Variants in RERE observed in about 807,000 individuals in gnomAD.
RERE encodes the protein arginine-glutamic acid dipeptide repeats.
In RERE, 40 loss-of-function variants were observed where a neutral mutation model predicts 146.1. That is an observed-to-expected ratio of 0.27 (90% CI 0.21 to 0.36). The LOEUF (loss-of-function observed/expected upper bound fraction) is 0.36. Ranked by LOEUF, RERE falls within the 10% of genes least tolerant of loss-of-function variation. RERE has a pLI of 1.00. For missense variants in RERE, 1,933 were observed against 2,138.7 expected, an observed-to-expected ratio of 0.90 and a Z score of 1.90; for synonymous variants, 1,003 against 866.0, an observed-to-expected ratio of 1.16 and a Z score of -2.78.
intron 1 of RERE, among the ~76,000 whole-genome samples, chr1:8,746,616 C>T (rs1370146941): frequency 6.6e-6 from 1 of 152,008 alleles, no homozygotes; most frequent in Non-Finnish European, 1.5e-5. Flanking sequence ...CATAAACTTA[C>T]AAAATTCTAA....
In RERE at chr1:8,803,676, C is replaced by G. The variant is rs144362721; in HGVS notation, c.-145+13484G>C. 3.8e-3 allele frequency among the ~76,000 whole-genome samples: 575 copies of G among 152,136 alleles called. 2 individuals carry two copies. The highest frequency in any genetic ancestry group is 0.013 in the African/African-American group (554 of 41,538). Reference sequence around the variant, plus strand: ...CTCCCAAGCTAAATCAATTCTCCCCCCTCAGCATCGCGAGTAGCTGAGACT... The same window carrying G: ...CTCCCAAGCTAAATCAATTCTCCCCGCTCAGCATCGCGAGTAGCTGAGACT... On this transcript the variant is annotated intron_variant, in intron 1 of 22. Transcript: ENST00000400908.
intron 1 of RERE, among the ~76,000 whole-genome samples, chr1:8,665,429 C>G (rs1268486486): frequency 6.6e-6 from 1 of 152,184 alleles, no homozygotes; most frequent in Non-Finnish European, 1.5e-5. Flanking sequence ...ATTTCTTCTT[C>G]CTTCCCACCC....
Position 8,361,228 on chromosome 1 carries a change from T to A in RERE, c.2279A>T (p.Gln760Leu). The change falls in exon 18 of 23, where the codon CAG becomes CTG. Residue 760 changes from glutamine (Q) to leucine (L), a missense_variant. Transcript: ENST00000400908. ...APSSAPPGTP[Q>L]LPTPGPTPSA... ...GGGCGTGGGCCCTGGCGTGGGCAGC[T>A]GAGGGGTCCCTGGAGGAGCTGAGGA... 1 of 1,541,422 alleles carries A rather than the reference T, an allele frequency of 6.5e-7. No individual in the cohort carries two copies. The highest frequency in any genetic ancestry group is 8.7e-7 in the Non-Finnish European group (1 of 1,147,960).
At chr1:8,674,025 C>G (rs549360911) in intron 1 of RERE, among the ~76,000 whole-genome samples, 7 of 152,118 alleles carry the variant, frequency 4.6e-5, no homozygotes, top group African/African-American at 1.7e-4. Context: ...AGAATAAGAC[C>G]TATCTCAAAA....
chr1:8,731,034 T>C (rs1007322532), intron 1 of RERE, among the ~76,000 whole-genome samples: 2 of 151,956 alleles, frequency 1.3e-5, no homozygotes, highest in East Asian at 1.9e-4. Flanking sequence ...ACCACAAAAT[T>C]TGAAGGAAAA....
intron 4 of RERE, among the ~76,000 whole-genome samples, chr1:8,567,244 A>G (rs1461959034): frequency 1.3e-5 from 2 of 152,222 alleles, no homozygotes; most frequent in Non-Finnish European, 2.9e-5. Context: ...ATTCAATTCA[A>G]AAGACTGTTG....
chr1:8,505,106 C>T (rs1645233324), intron 8 of RERE, among the ~76,000 whole-genome samples: 1 of 152,162 alleles, frequency 6.6e-6, no homozygotes, highest in Non-Finnish European at 1.5e-5. Flanking sequence ...TTCTTTACCA[C>T]ATACACTGGG....
intron 1 of RERE, chr1:8,796,450 C>A (rs1364168557): frequency 6.6e-6 from 1 of 151,692 alleles, no homozygotes; most frequent in Non-Finnish European, 1.5e-5. Flanking sequence ...CCACTTTAAT[C>A]AAAACTGCAA....
At chr1:8,765,547 G>A (rs975096013) in intron 1 of RERE, among the ~76,000 whole-genome samples, 7 of 152,268 alleles carry the variant, frequency 4.6e-5, no homozygotes, top group African/African-American at 1.2e-4. Context: ...GGCCGGATGC[G>A]GTGGCTCATG....
At chr1:8,486,768 A>AAG (rs1553173143) in intron 10 of RERE, among the ~76,000 whole-genome samples, 17 of 150,834 alleles carry the variant, frequency 1.1e-4, no homozygotes, top group African/African-American at 1.9e-4. Flanking sequence ...AAAAAAAAAA[A>AAG]AAAAGAAAAG....
At chr1:8,784,488 TG>T (rs1641226016) in intron 1 of RERE, among the ~76,000 whole-genome samples, 1 of 152,136 alleles carries the variant, frequency 6.6e-6, no homozygotes, top group Non-Finnish European at 1.5e-5. Flanking sequence ...TGTTCACTGG[TG>T]TATTCTAAAC....
At position 8,557,476 on chromosome 1, in the gene RERE, T is replaced by C. The variant is rs759431173; in HGVS notation, c.570A>G (p.Gln190=). 128 of 1,613,720 alleles carry C rather than the reference T, an allele frequency of 7.9e-5. No homozygotes were observed. Among genetic ancestry groups the C allele is most frequent in the Non-Finnish European group, 1.0e-4 (121 of 1,179,706 alleles). ...GATACACAGAATCTGGAACCTCAGA[T>C]TGACGGTAGTACCATTTGACGTTCA... ...LLMNVKWYYR[Q]SEVPDSVYQH... is the part of the protein sequence containing the mutation. Residue 190 remains glutamine (Q), a synonymous_variant, in exon 5 of 23, where the codon CAA becomes CAG. Coordinates refer to ENST00000400908, the MANE Select transcript of RERE (RefSeq NM_001042681.2).
intron 1 of RERE, among the ~76,000 whole-genome samples, chr1:8,742,866 TCA>T (rs1557515854): frequency 7.7e-5 from 9 of 116,950 alleles, no homozygotes; most frequent in Admixed American, 8.9e-5. Context: ...AGATCCTGTC[TCA>T]AAAAAAAAAA....
rs1645061655 is a variant in RERE, at chr1:8,497,546, A to C, written c.880-17T>G. ...AAGTTTGGCCTGTAAGACAGGGATG[A>C]GTAAGTCACAATCAAGGCATGTATT... On this transcript the variant is annotated splice_polypyrimidine_tract_variant and intron_variant, in intron 8 of 22. Coordinates refer to ENST00000400908, the MANE Select transcript of RERE (RefSeq NM_001042681.2). 1 of 1,613,610 alleles carries C rather than the reference A, an allele frequency of 6.2e-7. No individual in the cohort carries two copies. Among genetic ancestry groups the C allele is most frequent in the Non-Finnish European group, 8.5e-7 (1 of 1,179,652 alleles).
intron 4 of RERE, among the ~76,000 whole-genome samples, chr1:8,594,269 C>T (rs1646529417): frequency 6.6e-6 from 1 of 152,108 alleles, no homozygotes; most frequent in Non-Finnish European, 1.5e-5. Flanking sequence ...AGCTAGGTAC[C>T]CTTTCCAAAA....
chr1:8,793,927 G>A (rs1641415376), intron 1 of RERE, among the ~76,000 whole-genome samples: 1 of 152,088 alleles, frequency 6.6e-6, no homozygotes, highest in African/African-American at 2.4e-5. Flanking sequence ...TTAGCCAAAT[G>A]TGGTGGCTCA....
chr1:8,668,630 A>T (rs1051039445), intron 1 of RERE, among the ~76,000 whole-genome samples: 3 of 152,256 alleles, frequency 2.0e-5, no homozygotes, highest in Non-Finnish European at 4.4e-5. Context: ...TCCAGCAATA[A>T]GAAATGAGGT....
At chr1:8,744,778 C>T (rs566176717) in intron 1 of RERE, among the ~76,000 whole-genome samples, 1 of 152,024 alleles carries the variant, frequency 6.6e-6, no homozygotes, top group Non-Finnish European at 1.5e-5. Context: ...ATATATGTTC[C>T]CCATACAAAA....
chr1:8,390,250 A>G (rs1642838728), intron 12 of RERE, among the ~76,000 whole-genome samples: 1 of 152,168 alleles, frequency 6.6e-6, no homozygotes, highest in African/African-American at 2.4e-5. Context: ...ACCCCACTCC[A>G]GACAGCTACA....
Sources: gnomAD v4.1 joint callset for allele counts (sites outside exome capture counted in the v4.1 genomes callset) on GRCh38, gnomAD v4.1.1 for gene constraint, MANE v1.5 for transcripts, NCBI Gene and HGNC (gene_info 2026-07-23, HGNC 2026-07-21) for gene names.